The following MAML2 variants were observed in gnomAD, a reference collection of about 807,000 sequenced individuals.
The protein encoded by MAML2 is mastermind-like protein 2.
Under a neutral mutation model 96.1 loss-of-function variants are expected in MAML2, and 22 were observed. The ratio of observed to expected loss-of-function variants is 0.23; its 90% CI spans 0.16 to 0.33. The LOEUF (loss-of-function observed/expected upper bound fraction) is 0.33. Ranked by LOEUF, MAML2 falls within the 10% of genes least tolerant of loss-of-function variation. The pLI is 1.00. For synonymous variants in MAML2, 561 were observed against 521.3 expected (o/e 1.08, Z -1.04); for missense variants, 1,367 against 1,392.4 (o/e 0.98, Z 0.29).
chr11:96,186,357 C>T (rs579186), intron 1 of MAML2, among the ~76,000 whole-genome samples: 41,015 of 151,982 alleles, frequency 0.27, 5,748 homozygotes, highest in East Asian at 0.32. Context: ...TGGGAGGCCA[C>T]GGTGGGCGGA....
chr11:96,227,719 A>G (rs1371765457), intron 1 of MAML2, among the ~76,000 whole-genome samples: 3 of 152,200 alleles, frequency 2.0e-5, no homozygotes, highest in Non-Finnish European at 4.4e-5. Flanking sequence ...AAGGCATACA[A>G]TGTGTTTTGC....
intron 1 of MAML2, among the ~76,000 whole-genome samples, chr11:96,269,535 A>T (rs962816374): frequency 7.0e-6 from 1 of 143,650 alleles, no homozygotes. Flanking sequence ...TTTGGGGGGA[A>T]ATGTCTTGCT....
intron 3 of MAML2, among the ~76,000 whole-genome samples, chr11:95,990,312 C>A (rs1194243349): frequency 6.6e-6 from 1 of 152,090 alleles, no homozygotes; most frequent in Non-Finnish European, 1.5e-5. Flanking sequence ...GCCTCTCAAG[C>A]CCTATCCTCC....
chr11:96,323,444 GGAGTGA>G (rs1863735540), intron 1 of MAML2, among the ~76,000 whole-genome samples: 1 of 150,602 alleles, frequency 6.6e-6, no homozygotes, highest in African/African-American at 2.5e-5. Context: ...GGTTGGCGAG[GGAGTGA>G]AGCTGAGTTT....
intron 1 of MAML2, among the ~76,000 whole-genome samples, chr11:96,156,650 G>A (rs1861015769): frequency 6.6e-6 from 1 of 152,196 alleles, no homozygotes; most frequent in Non-Finnish European, 1.5e-5. Flanking sequence ...GATCACAGAG[G>A]TAATCTGAGG....
intron 2 of MAML2, among the ~76,000 whole-genome samples, chr11:96,070,987 T>C (rs1859336729): frequency 6.6e-6 from 1 of 152,258 alleles, no homozygotes; most frequent in African/African-American, 2.4e-5. Flanking sequence ...GCATCTCTTG[T>C]GTAGCTGAGA....
intron 1 of MAML2, among the ~76,000 whole-genome samples, chr11:96,107,382 G>C (rs1398223527): frequency 1.3e-5 from 2 of 152,122 alleles, no homozygotes; most frequent in Non-Finnish European, 2.9e-5. Context: ...CAATTCAGTG[G>C]TTGTAGTGAG....
At chr11:96,190,480 C>T (rs1861638193) in intron 1 of MAML2, among the ~76,000 whole-genome samples, 2 of 152,190 alleles carry the variant, frequency 1.3e-5, no homozygotes, top group Non-Finnish European at 2.9e-5. Flanking sequence ...GAAAGAATGA[C>T]AAACCACAGG....
chr11:96,032,937 A>T (rs1170644278), intron 2 of MAML2, among the ~76,000 whole-genome samples: 1 of 152,222 alleles, frequency 6.6e-6, no homozygotes, highest in African/African-American at 2.4e-5. Flanking sequence ...TGAAAATTCT[A>T]TTAATAGATT....
At chr11:96,160,518 C>T (rs1350705774) in intron 1 of MAML2, among the ~76,000 whole-genome samples, 2 of 151,702 alleles carry the variant, frequency 1.3e-5, no homozygotes, top group Non-Finnish European at 2.9e-5. Flanking sequence ...ACCTCCCCTT[C>T]CAGGGTTCAA....
chr11:96,221,646 T>C (rs1345909637), intron 1 of MAML2, among the ~76,000 whole-genome samples: 1 of 151,442 alleles, frequency 6.6e-6, no homozygotes, highest in Non-Finnish European at 1.5e-5. Context: ...AGCTCTTTGC[T>C]TCTGCACAGT....
At chr11:96,076,410 C>A (rs1192533991) in intron 2 of MAML2, among the ~76,000 whole-genome samples, 1 of 144,946 alleles carries the variant, frequency 6.9e-6, no homozygotes, top group East Asian at 2.0e-4. Flanking sequence ...CAAGGCTGCT[C>A]TCTTTTGTCT....
chr11:96,048,775 T>C (rs1422576539), intron 2 of MAML2, among the ~76,000 whole-genome samples: 1 of 152,156 alleles, frequency 6.6e-6, no homozygotes, highest in Non-Finnish European at 1.5e-5. Flanking sequence ...ATGTCGACAT[T>C]TCTATATTTT....
chr11:96,172,483 C>G (rs1861311796), intron 1 of MAML2, among the ~76,000 whole-genome samples: 1 of 152,186 alleles, frequency 6.6e-6, no homozygotes, highest in Admixed American at 6.6e-5. Flanking sequence ...CTTCTTTTCT[C>G]AAATTGGTTT....
At chr11:96,127,404 T>C (rs1191248497) in intron 1 of MAML2, among the ~76,000 whole-genome samples, 1 of 152,170 alleles carries the variant, frequency 6.6e-6, no homozygotes, top group Non-Finnish European at 1.5e-5. Context: ...AATGGAGAGT[T>C]GCCATAGTTA....
chr11:96,043,230 AC>A (rs1177027777), intron 2 of MAML2, among the ~76,000 whole-genome samples: 1 of 152,238 alleles, frequency 6.6e-6, no homozygotes, highest in Non-Finnish European at 1.5e-5. Context: ...AAGATCAGAC[AC>A]ATTAGCTAAT....
chr11:96,036,124 T>C (rs1379964217), intron 2 of MAML2, among the ~76,000 whole-genome samples: 2 of 152,182 alleles, frequency 1.3e-5, no homozygotes, highest in Non-Finnish European at 2.9e-5. Flanking sequence ...AACATAGCTA[T>C]TCTTTGAGAT....
intron 1 of MAML2, among the ~76,000 whole-genome samples, chr11:96,182,487 G>T (rs1295435158): frequency 1.3e-5 from 2 of 152,028 alleles, no homozygotes; most frequent in African/African-American, 4.8e-5. Flanking sequence ...AACTACAAAA[G>T]CAGGGTATTG....
intron 1 of MAML2, among the ~76,000 whole-genome samples, chr11:96,255,106 A>C (rs1228378582): frequency 6.6e-6 from 1 of 152,220 alleles, no homozygotes; most frequent in Non-Finnish European, 1.5e-5. Flanking sequence ...CTGGGATTAC[A>C]GGCGCAAGTT....
Sources: allele counts gnomAD v4.1 joint callset (sites outside exome capture counted in the v4.1 genomes callset), GRCh38; gene constraint gnomAD v4.1.1; transcripts MANE v1.5; gene names NCBI Gene and HGNC (gene_info 2026-07-23, HGNC 2026-07-21).